CDH12: variants seen among roughly 807,000 people sequenced by gnomAD.
CDH12 encodes cadherin 12.
A neutral mutation model predicts 74.1 loss-of-function variants in CDH12; 41 were observed. That is an observed-to-expected ratio of 0.55 (90% confidence interval 0.43 to 0.72). The LOEUF (loss-of-function observed/expected upper bound fraction) is 0.72. CDH12 is among the 30% of genes least tolerant of loss of function. The pLI, the probability that CDH12 is intolerant of heterozygous loss-of-function variation, is 0.00. For missense variants in CDH12, 945 were observed against 977.2 expected (o/e 0.97, Z 0.44); for synonymous variants, 399 against 355.0 (o/e 1.12, Z -1.39).
chr5:22,702,464 A>G (rs1305237761), intron 1 of CDH12, among the ~76,000 whole-genome samples: 1 of 151,726 alleles, frequency 6.6e-6, no homozygotes, highest in Non-Finnish European at 1.5e-5. Flanking sequence ...TCTTCTCTAC[A>G]CTCATGCAAT....
chr5:21,834,199 G>A (rs1749401340), intron 8 of CDH12, among the ~76,000 whole-genome samples: 1 of 150,976 alleles, frequency 6.6e-6, no homozygotes, highest in Non-Finnish European at 1.5e-5. Flanking sequence ...CCCTTTAAAT[G>A]TTTCCACCGA....
At chr5:21,888,081 T>C (rs1414310178) in intron 6 of CDH12, among the ~76,000 whole-genome samples, 1 of 152,124 alleles carries the variant, frequency 6.6e-6, no homozygotes, top group East Asian at 1.9e-4. Context: ...AAAAGACTGC[T>C]ACATTAGCCG....
At chr5:22,461,131 G>T (rs1272727819) in intron 2 of CDH12, among the ~76,000 whole-genome samples, 1 of 145,284 alleles carries the variant, frequency 6.9e-6, no homozygotes, top group Admixed American at 7.2e-5. Context: ...GGGTTCAAGC[G>T]ATTCTCCTGC....
intron 4 of CDH12, among the ~76,000 whole-genome samples, chr5:22,096,217 A>T (rs1387702794): frequency 6.6e-6 from 1 of 152,044 alleles, no homozygotes; most frequent in Non-Finnish European, 1.5e-5. Context: ...CCCCAATACA[A>T]ACTCGACAGT....
At chr5:22,109,205 A>C (rs6452051) in intron 4 of CDH12, among the ~76,000 whole-genome samples, 1 of 151,890 alleles carries the variant, frequency 6.6e-6, no homozygotes, top group African/African-American at 2.4e-5. Flanking sequence ...ACTGGCCTTT[A>C]GTTCTGAACC....
chr5:22,513,921 C>A (rs1469204592), intron 1 of CDH12, among the ~76,000 whole-genome samples: 1 of 148,840 alleles, frequency 6.7e-6, no homozygotes, highest in African/African-American at 2.5e-5. Flanking sequence ...GCACTCCAGC[C>A]CGGGGCCACA....
chr5:22,577,966 T>C (rs932019369), intron 1 of CDH12, among the ~76,000 whole-genome samples: 4 of 152,196 alleles, frequency 2.6e-5, no homozygotes, highest in African/African-American at 9.6e-5. Flanking sequence ...CTTTCATATG[T>C]TCAGGCATCA....
chr5:22,186,533 T>G (rs1749958107), intron 4 of CDH12, among the ~76,000 whole-genome samples: 1 of 152,156 alleles, frequency 6.6e-6, no homozygotes, highest in Non-Finnish European at 1.5e-5. Flanking sequence ...TGCAGTGATA[T>G]GATCTCAGCT....
intron 9 of CDH12, among the ~76,000 whole-genome samples, chr5:21,803,501 T>G (rs900770767): frequency 9.2e-5 from 14 of 152,182 alleles, no homozygotes; most frequent in African/African-American, 3.4e-4. Context: ...GAGTCACGGA[T>G]GCTCAGTTTT....
At chr5:22,702,869 C>T (rs1012583208) in intron 1 of CDH12, among the ~76,000 whole-genome samples, 15 of 151,994 alleles carry the variant, frequency 9.9e-5, no homozygotes, top group South Asian at 2.1e-4. Flanking sequence ...CATCTTTTCC[C>T]GAAAACCTTA....
chr5:22,085,121 T>G (rs1449307757), intron 4 of CDH12, among the ~76,000 whole-genome samples: 4 of 152,152 alleles, frequency 2.6e-5, no homozygotes, highest in Non-Finnish European at 5.9e-5. Flanking sequence ...TTTCAAAGAC[T>G]TCTTAACTCG....
Position 22,505,280 on chromosome 5 carries a change from G to T in CDH12, c.-438C>A, listed in dbSNP as rs1413828370. 2.0e-6 allele frequency: 2 copies of T among 979,388 alleles called. No homozygotes were observed. The highest frequency in any genetic ancestry group is 1.8e-5 in the African/African-American group (1 of 57,040). The allele number at this position is 979,388 out of a possible 1,614,324, so 60.7% of individuals were successfully genotyped here. On this transcript the variant is annotated 5_prime_UTR_variant, in exon 2 of 15. Transcript: ENST00000382254. ...ATTTTTTTTACCTACCTTTAAAAAG[G>T]CTGGCATTCTTTAAAACTCCCAACT...
chr5:22,061,840 C>G (rs775790250), intron 5 of CDH12, among the ~76,000 whole-genome samples: 30 of 152,132 alleles, frequency 2.0e-4, no homozygotes, highest in Non-Finnish European at 1.6e-4. Context: ...ATGTGACACT[C>G]TACATTCTTA....
At chr5:22,414,405 T>A (rs1379531015) in intron 2 of CDH12, among the ~76,000 whole-genome samples, 1 of 151,946 alleles carries the variant, frequency 6.6e-6, no homozygotes, top group Admixed American at 6.6e-5. Context: ...ATTAACCAGT[T>A]CAATATGTCA....
chr5:22,809,360 A>T (rs868267292), intron 1 of CDH12, among the ~76,000 whole-genome samples: 48 of 151,970 alleles, frequency 3.2e-4, no homozygotes, highest in Middle Eastern at 6.8e-3. Context: ...ATTCTCTGTC[A>T]AGTCTAACAA....
chr5:22,485,157 T>C lies in CDH12; in HGVS notation c.-428+20113A>G, dbSNP rs547876558. The stretch of plus-strand genomic sequence containing the variant: ...TTTATTATCTTATTTATGGAGAAAT[T>C]TGGTATACTGCACAAGCTTTTCTTT... On this transcript the variant is annotated intron_variant, in intron 2 of 14. Coordinates refer to ENST00000382254, the MANE Select transcript of CDH12 (RefSeq NM_004061.5). 8.1e-4 allele frequency among the ~76,000 whole-genome samples: 119 copies of C among 147,664 alleles called. 1 individual carries two copies. The highest frequency in any genetic ancestry group is 2.9e-3 in the African/African-American group (114 of 39,814).
chr5:21,836,083 A>C (rs2149978437), intron 8 of CDH12, among the ~76,000 whole-genome samples: 1 of 151,926 alleles, frequency 6.6e-6, no homozygotes, highest in Admixed American at 6.6e-5. Context: ...TTCTGTAAAC[A>C]TTCTGGCTGA....
intron 3 of CDH12, among the ~76,000 whole-genome samples, chr5:22,310,913 A>C (rs1274653437): frequency 6.6e-6 from 1 of 152,220 alleles, no homozygotes; most frequent in East Asian, 1.9e-4. Flanking sequence ...CCAGTAATAA[A>C]AATGAAAATT....
chr5:22,503,407 A>G (rs986566351), intron 2 of CDH12, among the ~76,000 whole-genome samples: 1 of 152,122 alleles, frequency 6.6e-6, no homozygotes, highest in Admixed American at 6.6e-5. Context: ...TAATAAAGAA[A>G]TGTTAATAAT....
Sources: allele counts gnomAD v4.1 joint callset (sites outside exome capture counted in the v4.1 genomes callset), GRCh38; gene constraint gnomAD v4.1.1; transcripts MANE v1.5; gene names NCBI Gene and HGNC (gene_info 2026-07-23, HGNC 2026-07-21).